Variants in COL28A1 observed in about 807,000 individuals in gnomAD.
The protein encoded by COL28A1 is collagen type XXVIII alpha 1 chain, also known as collagen alpha-1(XXVIII) chain.
In COL28A1, 161 loss-of-function variants were observed where a neutral mutation model predicts 150.2. The ratio of observed to expected loss-of-function variants is 1.07; its 90% CI spans 0.94 to 1.22. The LOEUF is 1.22. Ranked by LOEUF, COL28A1 falls within the 50% of genes most tolerant of loss-of-function variation. COL28A1 has a pLI of 0.00. For missense variants in COL28A1, 1,617 were observed against 1,388.3 expected (o/e 1.16, Z -2.62); for synonymous variants, 552 against 469.7 (o/e 1.18, Z -2.26).
chr7:7,512,757 A>G (rs1272397068), intron 8 of COL28A1, among the ~76,000 whole-genome samples: 1 of 152,206 alleles, frequency 6.6e-6, no homozygotes, highest in East Asian at 1.9e-4. Context: ...TTTTCAAGAT[A>G]AGGAAACACA....
At chr7:7,343,751 T>C in the COL28A1 span, among the ~76,000 whole-genome samples, 1 of 152,092 alleles carries the variant, frequency 6.6e-6, no homozygotes, top group South Asian at 2.1e-4. Flanking sequence ...TTCATGCCTA[T>C]AATCCCAGCA....
chr7:7,528,934 A>G (rs938563282), intron 3 of COL28A1, among the ~76,000 whole-genome samples: 15 of 152,200 alleles, frequency 9.9e-5, no homozygotes, highest in Non-Finnish European at 1.3e-4. Flanking sequence ...TTTTAAAATA[A>G]AAAGTTTAAA....
rs146336169 is a variant in COL28A1 at position 7,524,319 on chromosome 7, A to G, written c.682-70T>C. 3.1e-4 allele frequency: 272 copies of G among 881,258 alleles called. 1 individual carries two copies. The African/African-American group carries it at 3.9e-3, about 13-fold the overall frequency. The allele number at this position is 881,258 out of a possible 1,614,324, so 54.6% of individuals were successfully genotyped here. ...TGCCTCCAGCTACTTATTAGTCATAACTATTCCCTATGGGATATGAAGTTT... is the reference window on the plus strand; with the variant it reads ...TGCCTCCAGCTACTTATTAGTCATAGCTATTCCCTATGGGATATGAAGTTT... On this transcript the variant is annotated intron_variant, in intron 3 of 34. Coordinates refer to ENST00000399429, the MANE Select transcript of COL28A1 (RefSeq NM_001037763.3).
chr7:7,524,379 G>A (rs1257895408), intron 3 of COL28A1, 130 bp from the exon 4 acceptor site: 4 of 668,974 alleles, frequency 6.0e-6, no homozygotes, highest in Non-Finnish European at 1.0e-5. Flanking sequence ...TTTTAAACTT[G>A]TAAAAGCAAT....
intron 18 of COL28A1, among the ~76,000 whole-genome samples, chr7:7,450,763 G>A (rs949108159): frequency 9.2e-5 from 14 of 152,204 alleles, no homozygotes; most frequent in African/African-American, 2.9e-4. Context: ...CAAAAAGAAT[G>A]ACAAGCAATT....
chr7:7,391,368 G>C (rs1029729732), intron 27 of COL28A1, among the ~76,000 whole-genome samples: 1 of 152,004 alleles, frequency 6.6e-6, no homozygotes, highest in Non-Finnish European at 1.5e-5. Context: ...CCATTCTTTT[G>C]CATTTGCTGA....
At chr7:7,385,716 T>C (rs764341832) in intron 27 of COL28A1, among the ~76,000 whole-genome samples, 1 of 152,202 alleles carries the variant, frequency 6.6e-6, no homozygotes, top group Non-Finnish European at 1.5e-5. Flanking sequence ...GTTAGGGTAA[T>C]GTTCAGGAAC....
chr7:7,456,848 G>A (rs1476963525), intron 15 of COL28A1, among the ~76,000 whole-genome samples: 1 of 152,196 alleles, frequency 6.6e-6, no homozygotes, highest in Non-Finnish European at 1.5e-5. Flanking sequence ...CTAGTATGTT[G>A]AATAATAAGT....
intron 3 of COL28A1, among the ~76,000 whole-genome samples, chr7:7,528,271 A>C (rs1305104852): frequency 6.6e-6 from 1 of 152,196 alleles, no homozygotes; most frequent in Non-Finnish European, 1.5e-5. Context: ...TACAGGACCA[A>C]GTAATATATC....
At chr7:7,525,673 C>T (rs1035606506) in intron 3 of COL28A1, among the ~76,000 whole-genome samples, 6 of 152,132 alleles carry the variant, frequency 3.9e-5, no homozygotes, top group Non-Finnish European at 7.4e-5. Context: ...TTTATTTTTA[C>T]TTTATTTCCG....
chr7:7,504,439 G>A (rs1231789032), intron 11 of COL28A1, among the ~76,000 whole-genome samples: 1 of 152,148 alleles, frequency 6.6e-6, no homozygotes, highest in Non-Finnish European at 1.5e-5. Context: ...AATTCAAGTT[G>A]CAGTTGGTTA....
At chr7:7,462,625 G>A (rs957239636) in intron 15 of COL28A1, among the ~76,000 whole-genome samples, 7 of 152,176 alleles carry the variant, frequency 4.6e-5, no homozygotes, top group East Asian at 3.9e-4. Flanking sequence ...TTGGGAGGCC[G>A]AGGCAGATGG....
At chr7:7,349,352 T>C in the COL28A1 span, among the ~76,000 whole-genome samples, 1 of 152,092 alleles carries the variant, frequency 6.6e-6, no homozygotes, top group Non-Finnish European at 1.5e-5. Context: ...ACAAGCACTA[T>C]TTCTATCCCA....
At chr7:7,393,844 T>G (rs932451393) in intron 27 of COL28A1, among the ~76,000 whole-genome samples, 1 of 152,128 alleles carries the variant, frequency 6.6e-6, no homozygotes, top group African/African-American at 2.4e-5. Context: ...TTTCAAGCCA[T>G]TGGATCTTAG....
At chr7:7,345,007 T>C in the COL28A1 span, among the ~76,000 whole-genome samples, 27 of 149,458 alleles carry the variant, frequency 1.8e-4, no homozygotes, top group Non-Finnish European at 3.3e-4. Context: ...GAAATACACA[T>C]ACACACACAC....
At chr7:7,533,712 A>G (rs1489132808) in intron 1 of COL28A1, among the ~76,000 whole-genome samples, 1 of 152,152 alleles carries the variant, frequency 6.6e-6, no homozygotes, top group Non-Finnish European at 1.5e-5. Context: ...CTAATTCTGT[A>G]TTAAAATCCT....
downstream of COL28A1, chr7:7,356,457 T>C (rs1238174175): frequency 1.3e-5 from 2 of 152,184 alleles, no homozygotes; most frequent in African/African-American, 4.8e-5. Context: ...GTTCATCTTA[T>C]CATGTTTTTA....
chr7:7,518,519 G>T (rs1202874860), intron 6 of COL28A1, among the ~76,000 whole-genome samples: 1 of 151,914 alleles, frequency 6.6e-6, no homozygotes, highest in African/African-American at 2.4e-5. Context: ...TTCTAATAGG[G>T]CTGTTTTAGA....
chr7:7,407,393 A>C (rs73674527), intron 27 of COL28A1, among the ~76,000 whole-genome samples: 2,953 of 152,156 alleles, frequency 0.019, 90 homozygotes, highest in African/African-American at 0.067. Context: ...ACATCTAAAC[A>C]CATAATAGTA....
Sources: gnomAD v4.1 joint callset for allele counts (sites outside exome capture counted in the v4.1 genomes callset) on GRCh38, gnomAD v4.1.1 for gene constraint, MANE v1.5 for transcripts, NCBI Gene and HGNC (gene_info 2026-07-23, HGNC 2026-07-21) for gene names.